TSPAN1: variants seen among roughly 807,000 people sequenced by gnomAD.
TSPAN1 encodes the protein tetraspanin 1.
Under a neutral mutation model 26.9 loss-of-function variants are expected in TSPAN1, and 23 were observed. The observed-to-expected ratio is 0.85, with a 90% CI of 0.62 to 1.21. TSPAN1 has a LOEUF of 1.21. TSPAN1 is among the 50% of genes most tolerant of loss of function. TSPAN1 has a pLI of 0.00. For missense variants in TSPAN1, 283 were observed against 298.4 expected (o/e 0.95, Z 0.38); for synonymous variants, 115 against 114.8 (o/e 1.00, Z -0.01).
chr1:46,190,406 A>G, downstream of TSPAN1: 1 of 1,512,236 alleles, frequency 6.6e-7, no homozygotes, highest in Non-Finnish European at 9.2e-7. Context: ...CCTGTAAATT[A>G]TGGGGCCAAG....
At chr1:46,187,555 T>C (rs1657461277), downstream of TSPAN1, among the ~76,000 whole-genome samples, 1 of 152,168 alleles carries the variant, frequency 6.6e-6, no homozygotes. Flanking sequence ...AGAGCTGGTC[T>C]GTGAGGGCCA....
At position 46,181,102 on chromosome 1, in the gene TSPAN1, G is replaced by A. The variant is rs747443834; in HGVS notation, c.-6G>A. ...ACTTGCACATGTCTACCTCCCAGGA[G>A]CCACCATGCAGTGCTTCAGCTTCAT... On this transcript the variant is annotated splice_region_variant and 5_prime_UTR_variant, in exon 3 of 9. Transcript: ENST00000372003. 3.1e-6 allele frequency: 5 copies of A among 1,613,852 alleles called. No homozygotes were observed. Among genetic ancestry groups the A allele is most frequent in the Middle Eastern group, 1.7e-4 (1 of 6,026 alleles).
At chr1:46,176,131 T>C (rs1208109232) in intron 1 of TSPAN1, 6 of 1,403,878 alleles carry the variant, frequency 4.3e-6, no homozygotes, top group East Asian at 2.5e-5. Flanking sequence ...CGCCTTGGCC[T>C]CCCAAAGTGC....
chr1:46,191,923 C>G, the TSPAN1 span: 1 of 1,075,994 alleles, frequency 9.3e-7, no homozygotes. Context: ...CGTGAGCCAC[C>G]GCGCCCAGCC....
downstream of TSPAN1, chr1:46,190,851 G>C (rs1657710671): frequency 2.1e-6 from 3 of 1,421,942 alleles, no homozygotes; most frequent in South Asian, 3.5e-5. Flanking sequence ...TTGCTGACCA[G>C]CCAGACATCT....
chr1:46,182,916 C>T (rs1657345901), intron 3 of TSPAN1, among the ~76,000 whole-genome samples: 1 of 152,074 alleles, frequency 6.6e-6, no homozygotes, highest in South Asian at 2.1e-4. Context: ...TCAAGGGATT[C>T]CCCTACCTCA....
the TSPAN1 span, chr1:46,196,032 T>C: frequency 1.9e-6 from 3 of 1,614,004 alleles, no homozygotes; most frequent in Non-Finnish European, 2.5e-6. The surrounding 1 kb of genome is among the most constrained non-coding windows in gnomAD (Gnocchi z 4.4). Context: ...TTGAGGACAA[T>C]GACATGGATG....
At chr1:46,189,308 T>G (rs752942416), downstream of TSPAN1, 2 of 1,613,638 alleles carry the variant, frequency 1.2e-6, no homozygotes, top group Non-Finnish European at 1.7e-6. Flanking sequence ...CCCTCCTCCT[T>G]TGGGGGTGGC....
In TSPAN1 at chr1:46,179,211, T is replaced by C. The variant is rs565272650; in HGVS notation, c.-141-1315T>C. On this transcript the variant is annotated intron_variant, in intron 1 of 8. Transcript: ENST00000372003. ...GGCAAATACCTGTGGTCCCAGCTAC[T>C]TGGGAGGCTGAGGATCATTTGAGCT... is the stretch of plus-strand genomic sequence containing the variant. 2.6e-5 allele frequency among the ~76,000 whole-genome samples: 4 copies of C among 151,856 alleles called. No individual in the cohort carries two copies. The East Asian group carries it at 7.8e-4, about 29-fold the overall frequency.
In TSPAN1 at chr1:46,185,497, G is replaced by T; in HGVS notation, c.690G>T (p.Met230Ile). The T allele has an allele frequency of 6.2e-7, 1 of 1,614,216 alleles. No homozygotes were observed. Among genetic ancestry groups the T allele is most frequent in the Non-Finnish European group, 8.5e-7 (1 of 1,180,040 alleles). The change falls in exon 9 of 9, where the codon ATG becomes ATT. Residue 230 changes from methionine (M) to isoleucine (I), a missense_variant. Physicochemically the swap from Met to Ile is conservative, Grantham distance 10. Coordinates refer to ENST00000372003, the MANE Select transcript of TSPAN1 (RefSeq NM_005727.4). ...AGIGGLELAA[M>I]IVSMYLYCNL... ...TCCTCCCTCTCCAGCTGGCTGCCAT[G>T]ATTGTGTCCATGTATCTGTACTGCA...
At chr1:46,194,513 C>T in the TSPAN1 span, 1 of 1,614,046 alleles carries the variant, frequency 6.2e-7, no homozygotes, top group African/African-American at 1.3e-5. Context: ...TGCCCACCCC[C>T]AGCCCAGGCC....
chr1:46,176,029 C>T (rs997983041), intron 1 of TSPAN1, among the ~76,000 whole-genome samples: 17 of 152,184 alleles, frequency 1.1e-4, no homozygotes, highest in South Asian at 2.1e-4. Context: ...TGTGCCACCA[C>T]GCCCGGCTAA....
At chr1:46,193,834 A>G in the TSPAN1 span, 1 of 1,613,680 alleles carries the variant, frequency 6.2e-7, no homozygotes, top group Non-Finnish European at 8.5e-7. Context: ...AGTGCTGGGT[A>G]TAGCCCATTC....
downstream of TSPAN1, among the ~76,000 whole-genome samples, chr1:46,186,274 C>T (rs1466987481): frequency 5.3e-5 from 8 of 152,138 alleles, no homozygotes; most frequent in South Asian, 2.1e-4. Flanking sequence ...AAGCTTGTGA[C>T]GAATTCTTAC....
chr1:46,179,751 C>T (rs918643146), intron 1 of TSPAN1, among the ~76,000 whole-genome samples: 1 of 151,648 alleles, frequency 6.6e-6, no homozygotes, highest in Non-Finnish European at 1.5e-5. Flanking sequence ...GGGGTGTACA[C>T]AGAGCGCTAA....
At chr1:46,196,164 T>A in the TSPAN1 span, 1 of 1,601,484 alleles carries the variant, frequency 6.2e-7, no homozygotes, top group African/African-American at 1.3e-5. The surrounding 1 kb of genome is among the most constrained non-coding windows in gnomAD (Gnocchi z 4.4). Flanking sequence ...ACCAGCTGCT[T>A]GAAACATCAC....
At position 46,177,469 on chromosome 1, in the gene TSPAN1, A is replaced by G. The variant is rs377554169; in HGVS notation, c.-142+2060A>G. Among the ~76,000 whole-genome samples, 10 of 152,348 alleles carry G rather than the reference A, an allele frequency of 6.6e-5. No individual in the cohort carries two copies. The East Asian group carries it at 1.5e-3, about 23-fold the overall frequency. On this transcript the variant is annotated intron_variant, in intron 1 of 8. Transcript: ENST00000372003. ...CCTGAATGAAACTTATCTAAAGCAC[A>G]TATTTCCCCTATAAGGCACATCACA...
chr1:46,184,578 CCT>C lies in TSPAN1; in HGVS notation c.265-15_265-14del, dbSNP rs764738452. 6.2e-7 allele frequency: 1 copy of C among 1,614,038 alleles called. No homozygotes were observed. The highest frequency in any genetic ancestry group is 8.5e-7 in the Non-Finnish European group (1 of 1,179,976). On this transcript the variant is annotated splice_polypyrimidine_tract_variant and intron_variant, in intron 4 of 8. Coordinates refer to ENST00000372003, the MANE Select transcript of TSPAN1 (RefSeq NM_005727.4). ...ACTGTCTCTCCCTAAAACCCAGACC[CCT>C]GTTCCCCACTCAGTTCTTCTTCATC... is the stretch of plus-strand genomic sequence containing the variant.
the TSPAN1 span, chr1:46,195,963 G>A: frequency 1.2e-6 from 2 of 1,614,126 alleles, no homozygotes; most frequent in Non-Finnish European, 1.7e-6. Context: ...GGTGTCATCA[G>A]CAAGAGCCCA....
Sources: allele counts gnomAD v4.1 joint callset (sites outside exome capture counted in the v4.1 genomes callset), GRCh38; gene constraint gnomAD v4.1.1; non-coding constraint Gnocchi (gnomAD v3.1); transcripts MANE v1.5; gene names NCBI Gene and HGNC (gene_info 2026-07-23, HGNC 2026-07-21).